The following SH3BGRL variants were observed in gnomAD, a reference collection of about 807,000 sequenced individuals.
SH3BGRL encodes the protein adapter SH3BGRL.
In SH3BGRL, 7 loss-of-function variants were observed where a neutral mutation model predicts 9.8. The observed-to-expected ratio is 0.72, with a 90% CI of 0.41 to 1.35. The LOEUF (loss-of-function observed/expected upper bound fraction) is 1.35, where lower values mean the gene tolerates loss of function less well. Ranked by LOEUF, SH3BGRL falls within the 40% of genes most tolerant of loss-of-function variation. The pLI, the probability that SH3BGRL is intolerant of heterozygous loss-of-function variation, is 0.01. For synonymous variants in SH3BGRL, 36 were observed against 29.1 expected, an observed-to-expected ratio of 1.24 and a Z score of -0.76; for missense variants, 73 against 84.4, an observed-to-expected ratio of 0.86 and a Z score of 0.53.
intron 1 of SH3BGRL, among the ~76,000 whole-genome samples, chrX:81,207,682 T>G (rs749622119): frequency 8.9e-6 from 1 of 112,346 alleles, no homozygotes; most frequent in Non-Finnish European, 1.9e-5. Context: ...AGACTAAAAT[T>G]AGAAACTGTT....
chrX:81,294,220 GA>G (rs2075866964), intron 3 of SH3BGRL, among the ~76,000 whole-genome samples: 1 of 111,501 alleles, frequency 9.0e-6, no homozygotes, highest in Non-Finnish European at 1.9e-5. Context: ...AGAAAATGGG[GA>G]AAAAGTCTCC....
chrX:81,227,523 T>G (rs1208447454), intron 1 of SH3BGRL, among the ~76,000 whole-genome samples: 1 of 111,571 alleles, frequency 9.0e-6, no homozygotes, highest in East Asian at 2.8e-4. Flanking sequence ...CTTGTACTGT[T>G]GGGACTGTTG....
chrX:81,271,366 G>T (rs949718751), intron 1 of SH3BGRL, among the ~76,000 whole-genome samples: 2 of 112,092 alleles, frequency 1.8e-5, no homozygotes, highest in African/African-American at 3.2e-5. Flanking sequence ...AGCTGTTCCT[G>T]TTTGGCCATC....
intron 1 of SH3BGRL, among the ~76,000 whole-genome samples, chrX:81,241,651 T>C (rs977833121): frequency 8.9e-6 from 1 of 111,911 alleles, no homozygotes; most frequent in African/African-American, 3.3e-5. Flanking sequence ...CATGCACCCC[T>C]GTTCACTGTG....
At chrX:81,229,938 C>T (rs765816733) in intron 1 of SH3BGRL, among the ~76,000 whole-genome samples, 38 of 111,717 alleles carry the variant, frequency 3.4e-4, no homozygotes, top group African/African-American at 4.6e-4. Context: ...TCCTTCCCAG[C>T]GCTTCCATGC....
intron 1 of SH3BGRL, among the ~76,000 whole-genome samples, chrX:81,224,311 C>T (rs2075609861): frequency 9.0e-6 from 1 of 111,171 alleles, no homozygotes; most frequent in Non-Finnish European, 1.9e-5. Context: ...CGTAAAGGGC[C>T]TTAGGGAAAT....
At chrX:81,261,133 G>A (rs1212906956) in intron 1 of SH3BGRL, among the ~76,000 whole-genome samples, 1 of 111,402 alleles carries the variant, frequency 9.0e-6, no homozygotes. Context: ...AGGCTAGACA[G>A]TGAAAAGTAG....
chrX:81,226,333 G>A (rs2147676456), intron 1 of SH3BGRL, among the ~76,000 whole-genome samples: 1 of 108,908 alleles, frequency 9.2e-6, no homozygotes, highest in South Asian at 4.0e-4. Context: ...TCTAAAGATT[G>A]AACGTTCCTA....
At chrX:81,239,402 G>A (rs765689945) in intron 1 of SH3BGRL, among the ~76,000 whole-genome samples, 1 of 112,336 alleles carries the variant, frequency 8.9e-6, no homozygotes, top group Admixed American at 9.4e-5. Context: ...AAATGCATCA[G>A]AGTTTTTTAA....
chrX:81,281,018 C>T (rs1245930557), intron 3 of SH3BGRL, among the ~76,000 whole-genome samples: 1 of 110,752 alleles, frequency 9.0e-6, no homozygotes, highest in Non-Finnish European at 1.9e-5. Flanking sequence ...CTTTTAGAAA[C>T]ACGAAATGCT....
intron 1 of SH3BGRL, among the ~76,000 whole-genome samples, chrX:81,261,835 G>T (rs113205911): frequency 1.8e-3 from 195 of 111,239 alleles, no homozygotes; most frequent in African/African-American, 6.2e-3. Flanking sequence ...TTCCACAGGC[G>T]TTAGTACTTA....
chrX:81,224,533 T>A (rs1336114491), intron 1 of SH3BGRL, among the ~76,000 whole-genome samples: 1 of 111,615 alleles, frequency 9.0e-6, no homozygotes, highest in African/African-American at 3.3e-5. Flanking sequence ...AAACACAATT[T>A]ATAATGTCAG....
At chrX:81,294,460 G>A (rs779640070) in intron 3 of SH3BGRL, among the ~76,000 whole-genome samples, 3 of 110,611 alleles carry the variant, frequency 2.7e-5, no homozygotes, top group Non-Finnish European at 3.8e-5. Flanking sequence ...TCCATGTGGT[G>A]TTGAGCCTGT....
chrX:81,261,883 A>G (rs1197351537), intron 1 of SH3BGRL, among the ~76,000 whole-genome samples: 2 of 111,670 alleles, frequency 1.8e-5, no homozygotes, highest in African/African-American at 3.3e-5. Context: ...AAAAGTGACT[A>G]AAAACATAAG....
chrX:81,276,993 A>C lies in SH3BGRL; in HGVS notation c.55A>C (p.Lys19Gln). 8.3e-7 allele frequency: 1 copy of C among 1,206,098 alleles called. No homozygotes were observed. The highest frequency in any genetic ancestry group is 3.0e-5 in the East Asian group (1 of 33,667). ...TGTCCTTTGGTCCTAGATTAAGAAGAAACAACAAGATGTGCTTGGTTTCCT... is the reference window on the plus strand; with the variant it reads ...TGTCCTTTGGTCCTAGATTAAGAAGCAACAACAAGATGTGCTTGGTTTCCT... ...SSSGSTAIKK[K>Q]QQDVLGFLEA... is the part of the protein sequence containing the mutation. The change falls in exon 2 of 4, where the codon AAA (lysine) becomes CAA (glutamine). Residue 19 changes from lysine (K) to glutamine (Q), a missense_variant. By Grantham distance (53) the Lys-to-Gln change is moderately conservative. Coordinates refer to ENST00000373212, the MANE Select transcript of SH3BGRL (RefSeq NM_003022.3).
At chrX:81,210,774 G>C (rs1037785053) in intron 1 of SH3BGRL, among the ~76,000 whole-genome samples, 2 of 111,721 alleles carry the variant, frequency 1.8e-5, no homozygotes, top group Non-Finnish European at 3.8e-5. Flanking sequence ...CTTCTTTTCT[G>C]ATGAACTTGA....
At chrX:81,288,020 A>G (rs2075842416) in intron 3 of SH3BGRL, among the ~76,000 whole-genome samples, 1 of 111,206 alleles carries the variant, frequency 9.0e-6, no homozygotes. Flanking sequence ...TCTGATGAAT[A>G]CTGATACAAA....
intron 1 of SH3BGRL, among the ~76,000 whole-genome samples, chrX:81,241,077 C>T (rs777395256): frequency 2.2e-4 from 25 of 112,894 alleles, no homozygotes; most frequent in African/African-American, 6.4e-4. Context: ...GGCCTCTTCC[C>T]GCTCCTGGTG....
intron 3 of SH3BGRL, among the ~76,000 whole-genome samples, chrX:81,296,471 C>T (rs1205820694): frequency 1.8e-5 from 2 of 111,229 alleles, no homozygotes; most frequent in African/African-American, 6.5e-5. Flanking sequence ...GCTTTTCTCC[C>T]TTCTTTTGCA....
Sources: gnomAD v4.1 joint callset for allele counts (sites outside exome capture counted in the v4.1 genomes callset) on GRCh38, gnomAD v4.1.1 for gene constraint, MANE v1.5 for transcripts, NCBI Gene and HGNC (gene_info 2026-07-23, HGNC 2026-07-21) for gene names.